IQCM: variants seen among roughly 807,000 people sequenced by gnomAD.
IQCM encodes the protein IQ motif containing M.
Under a neutral mutation model 57.6 loss-of-function variants are expected in IQCM, and 45 were observed. That is an observed-to-expected ratio of 0.78 (90% CI 0.62 to 1.00). The LOEUF (loss-of-function observed/expected upper bound fraction) is 1.00. Among genes scored for constraint, IQCM ranks in the 50% least tolerant of loss-of-function variants. The pLI, the probability that IQCM is intolerant of heterozygous loss-of-function variation, is 0.00. For synonymous variants in IQCM, 148 were observed against 158.9 expected (o/e 0.93, Z 0.51); for missense variants, 468 against 511.6 (o/e 0.91, Z 0.82).
At chr4:149,637,309 A>G (rs1757816325) in intron 7 of IQCM, among the ~76,000 whole-genome samples, 2 of 152,266 alleles carry the variant, frequency 1.3e-5, no homozygotes, top group Admixed American at 6.5e-5. Flanking sequence ...TTTGAGTATT[A>G]AGGGTAAATT....
At chr4:149,548,369 G>A in intron 12 of IQCM, 86 bp downstream of exon 12, 8 of 1,088,468 alleles carry the variant, frequency 7.3e-6, no homozygotes, top group Non-Finnish European at 9.3e-6. Flanking sequence ...AAGAAAGGAA[G>A]AGAACAACTA....
intron 2 of IQCM, among the ~76,000 whole-genome samples, chr4:149,779,842 C>T (rs1771439253): frequency 6.6e-6 from 1 of 152,146 alleles, no homozygotes; most frequent in Non-Finnish European, 1.5e-5. Flanking sequence ...GGCAACAAAT[C>T]AGTTGCTGTA....
intron 13 of IQCM, among the ~76,000 whole-genome samples, chr4:149,416,329 C>A (rs1360366193): frequency 3.3e-5 from 5 of 151,916 alleles, no homozygotes; most frequent in African/African-American, 1.2e-4. Flanking sequence ...TTTTTGTATT[C>A]AATATAATTT....
intron 12 of IQCM, among the ~76,000 whole-genome samples, chr4:149,495,265 GAC>G (rs1742537728): frequency 6.6e-6 from 1 of 152,080 alleles, no homozygotes; most frequent in Admixed American, 6.6e-5. Flanking sequence ...GTGACACAGA[GAC>G]ACAACTACAT....
chr4:149,415,319 T>C (rs1158994925), intron 13 of IQCM, among the ~76,000 whole-genome samples: 1 of 152,188 alleles, frequency 6.6e-6, no homozygotes, highest in East Asian at 1.9e-4. Context: ...GAACCTGCCA[T>C]CCACTGACTG....
intron 13 of IQCM, among the ~76,000 whole-genome samples, chr4:149,354,389 A>AAAAAAAAAAAAAAAT (rs1728811485): frequency 7.0e-6 from 1 of 143,780 alleles, no homozygotes; most frequent in Non-Finnish European, 1.5e-5. Flanking sequence ...AAAAAAAAAA[A>AAAAAAAAAAAAAAAT]CTGACAAATT....
chr4:149,781,658 G>A (rs529156081), intron 2 of IQCM, among the ~76,000 whole-genome samples: 1 of 152,106 alleles, frequency 6.6e-6, no homozygotes, highest in South Asian at 2.1e-4. Flanking sequence ...AAAAAACATG[G>A]TATATATAGG....
chr4:149,626,943 A>G (rs996289622), intron 7 of IQCM, among the ~76,000 whole-genome samples: 4 of 152,170 alleles, frequency 2.6e-5, no homozygotes, highest in Non-Finnish European at 4.4e-5. Flanking sequence ...ATACAGAAAA[A>G]AAAAGAACAA....
intron 8 of IQCM, among the ~76,000 whole-genome samples, chr4:149,599,261 T>C (rs1454456358): frequency 4.6e-5 from 7 of 152,152 alleles, no homozygotes; most frequent in African/African-American, 1.7e-4. Context: ...CATGGGATTA[T>C]ACAACCACAT....
intron 2 of IQCM, among the ~76,000 whole-genome samples, chr4:149,759,693 AT>A: frequency 6.6e-6 from 1 of 152,318 alleles, no homozygotes; most frequent in East Asian, 1.9e-4. Flanking sequence ...CACAAGGGAA[AT>A]TATGAAATAT....
intron 7 of IQCM, among the ~76,000 whole-genome samples, chr4:149,673,653 G>C (rs1761505562): frequency 6.6e-6 from 1 of 152,038 alleles, no homozygotes; most frequent in African/African-American, 2.4e-5. Flanking sequence ...AAGAGACTTA[G>C]ACTCCCACAC....
intron 8 of IQCM, among the ~76,000 whole-genome samples, chr4:149,609,173 T>C (rs2726767): frequency 0.21 from 32,008 of 151,432 alleles, 4,195 homozygotes; most frequent in Non-Finnish European, 0.28. Flanking sequence ...ACATGCAACC[T>C]ACGAAGATTG....
intron 13 of IQCM, among the ~76,000 whole-genome samples, chr4:149,415,152 A>G (rs1416541868): frequency 6.6e-6 from 1 of 152,188 alleles, no homozygotes; most frequent in African/African-American, 2.4e-5. Flanking sequence ...CAGTTTCATC[A>G]TATTTAAAAA....
intron 12 of IQCM, among the ~76,000 whole-genome samples, chr4:149,491,615 AT>A (rs1742104484): frequency 6.6e-6 from 1 of 152,110 alleles, no homozygotes; most frequent in Admixed American, 6.6e-5. Context: ...GTGAAATAGT[AT>A]TACATTATGT....
intron 8 of IQCM, among the ~76,000 whole-genome samples, chr4:149,619,959 C>A (rs1032460375): frequency 6.6e-6 from 1 of 152,068 alleles, no homozygotes; most frequent in Non-Finnish European, 1.5e-5. Context: ...GAATTTGAGA[C>A]CAGCCTAACC....
intron 12 of IQCM, among the ~76,000 whole-genome samples, chr4:149,445,865 T>C (rs1736450250): frequency 6.6e-6 from 1 of 151,812 alleles, no homozygotes; most frequent in Non-Finnish European, 1.5e-5. Flanking sequence ...GAAATACAGC[T>C]GCCCATTCAC....
intron 9 of IQCM, among the ~76,000 whole-genome samples, chr4:149,571,985 A>C (rs958311782): frequency 8.5e-5 from 13 of 152,180 alleles, no homozygotes; most frequent in African/African-American, 3.1e-4. Context: ...AATTCTGTCT[A>C]GCACTAATCT....
chr4:149,618,933 C>T (rs1051029563), intron 8 of IQCM, among the ~76,000 whole-genome samples: 1 of 151,908 alleles, frequency 6.6e-6, no homozygotes, highest in African/African-American at 2.4e-5. Context: ...TTTCTCAGAA[C>T]TAAAAATAGA....
intron 13 of IQCM, among the ~76,000 whole-genome samples, chr4:149,393,154 C>G (rs1262480412): frequency 6.6e-6 from 1 of 151,906 alleles, no homozygotes; most frequent in Non-Finnish European, 1.5e-5. Flanking sequence ...GTCTGGGCTA[C>G]AGAGTAAAAC....
Sources: allele counts gnomAD v4.1 joint callset (sites outside exome capture counted in the v4.1 genomes callset), GRCh38; gene constraint gnomAD v4.1.1; transcripts MANE v1.5; gene names NCBI Gene and HGNC (gene_info 2026-07-23, HGNC 2026-07-21).